The following GSK3B variants were observed in gnomAD, a reference collection of about 807,000 sequenced individuals.
GSK3B encodes glycogen synthase kinase-3 beta.
Under a neutral mutation model 56.4 loss-of-function variants are expected in GSK3B, and 15 were observed. The ratio of observed to expected loss-of-function variants is 0.27; its 90% CI spans 0.18 to 0.41. The LOEUF (loss-of-function observed/expected upper bound fraction) is 0.41, where lower values mean the gene tolerates loss of function less well. GSK3B is among the 10% of genes least tolerant of loss of function. The probability of loss-of-function intolerance (pLI) is 1.00; values close to 1 mark genes in which losing one functional copy is unlikely to be tolerated. For synonymous variants in GSK3B, 181 were observed against 188.9 expected (o/e 0.96, Z 0.34); for missense variants, 300 against 513.4 (o/e 0.58, Z 4.02).
chr3:119,984,395 T>TC lies in GSK3B; in HGVS notation c.282+17650_282+17651insG, dbSNP rs1300640920. On this transcript the variant is annotated intron_variant, in intron 2 of 10. Transcript: ENST00000264235. ...AGGAGATAGAGACACAGAAAAACCT[T>TC]AAAAAAAAAAAAAAATCAATGAATC... Among the ~76,000 whole-genome samples, 1,006 of 142,050 alleles carry TC rather than the reference T, an allele frequency of 7.1e-3. 8 individuals carry two copies. Among genetic ancestry groups the TC allele is most frequent in the African/African-American group, 0.022 (883 of 39,728 alleles). The allele number at this position is 142,050 out of a possible 152,430, so 93.2% of individuals were successfully genotyped here.
At chr3:120,070,213 A>AAAAAC (rs1184348182) in intron 1 of GSK3B, among the ~76,000 whole-genome samples, 24 of 139,908 alleles carry the variant, frequency 1.7e-4, no homozygotes, top group African/African-American at 5.8e-4. Context: ...CTCCATCTCA[A>AAAAAC]AAAACAAAAC....
At chr3:119,933,706 G>A (rs1253894841) in intron 3 of GSK3B, among the ~76,000 whole-genome samples, 1 of 151,786 alleles carries the variant, frequency 6.6e-6, no homozygotes, top group Non-Finnish European at 1.5e-5. Flanking sequence ...GTGAAACCCC[G>A]TCTCTTGTGA....
At chr3:119,963,233 GATTAA>G (rs1334788358) in intron 2 of GSK3B, among the ~76,000 whole-genome samples, 1 of 152,126 alleles carries the variant, frequency 6.6e-6, no homozygotes, top group Non-Finnish European at 1.5e-5. Flanking sequence ...TGTGTTCATG[GATTAA>G]ATTAATATTG....
chr3:119,978,931 C>T lies in GSK3B; in HGVS notation c.282+23115G>A, dbSNP rs977171726. 3.3e-5 allele frequency among the ~76,000 whole-genome samples: 5 copies of T among 152,194 alleles called. No individual in the cohort carries two copies. In the East Asian group the frequency reaches 7.7e-4, roughly 23 times the overall value. ...GACTGTCCTCTTCAGAAAGACGATT[C>T]CGGACTTCTGTCTTTTGTCTGGGGA... On this transcript the variant is annotated intron_variant, in intron 2 of 10. Coordinates refer to ENST00000264235, the MANE Select transcript of GSK3B (RefSeq NM_001146156.2).
intron 3 of GSK3B, among the ~76,000 whole-genome samples, chr3:119,923,690 GA>G (rs778136524): frequency 3.4e-4 from 52 of 152,066 alleles, no homozygotes; most frequent in Admixed American, 6.5e-4. Context: ...ATTCAATGGG[GA>G]AAAAATAGTC....
At chr3:119,893,227 G>C (rs1225590267) in intron 7 of GSK3B, among the ~76,000 whole-genome samples, 1 of 151,926 alleles carries the variant, frequency 6.6e-6, no homozygotes, top group Non-Finnish European at 1.5e-5. Context: ...TTGAGCTCCT[G>C]GCCTCAAGTG....
intron 2 of GSK3B, among the ~76,000 whole-genome samples, chr3:119,962,028 A>G (rs1334170501): frequency 1.3e-5 from 2 of 152,218 alleles, no homozygotes; most frequent in Non-Finnish European, 2.9e-5. Flanking sequence ...TTTAACTTAC[A>G]ATGAGTTTAT....
chr3:119,827,289 G>A (rs186500289), intron 10 of GSK3B, among the ~76,000 whole-genome samples: 7 of 152,290 alleles, frequency 4.6e-5, no homozygotes, highest in East Asian at 1.9e-4. Context: ...TGAAAGTAAC[G>A]TGGGTCAGTG....
intron 3 of GSK3B, among the ~76,000 whole-genome samples, chr3:119,936,159 A>C (rs2107479733): frequency 6.6e-6 from 1 of 152,010 alleles, no homozygotes; most frequent in South Asian, 2.1e-4. Context: ...TTGCCACTAA[A>C]ATCAGGAGCA....
intron 2 of GSK3B, among the ~76,000 whole-genome samples, chr3:119,989,518 G>T (rs575269270): frequency 1.3e-5 from 2 of 151,782 alleles, no homozygotes; most frequent in East Asian, 3.9e-4. Flanking sequence ...ACAGGCAGGC[G>T]CCTGTAGTCC....
chr3:120,078,487 G>A (rs1447344647), intron 1 of GSK3B, among the ~76,000 whole-genome samples: 2 of 150,962 alleles, frequency 1.3e-5, no homozygotes, highest in Non-Finnish European at 2.9e-5. Context: ...TTCTAACTAA[G>A]TTCTCCTTCT....
At chr3:119,837,213 G>T (rs1361832277) in intron 10 of GSK3B, among the ~76,000 whole-genome samples, 1 of 152,140 alleles carries the variant, frequency 6.6e-6, no homozygotes, top group Non-Finnish European at 1.5e-5. Context: ...GGAGTGCAGT[G>T]GCGTGATCTC....
chr3:119,979,144 T>C (rs2057437019), intron 2 of GSK3B, among the ~76,000 whole-genome samples: 1 of 152,194 alleles, frequency 6.6e-6, no homozygotes, highest in African/African-American at 2.4e-5. Context: ...TGGCAGCCCA[T>C]GGTCCGAAAA....
At position 119,823,875 on chromosome 3, in the gene GSK3B, G is replaced by A. The variant is rs1374880028; in HGVS notation, c.*2913C>T. On this transcript the variant is annotated 3_prime_UTR_variant, in exon 11 of 11. Transcript: ENST00000264235. Reference sequence around the variant, plus strand: ...CAAAGGGAAAGGGGGTGGACAGGGAGACATGGATAAAGGAAACCAATTAAA... The same window carrying A: ...CAAAGGGAAAGGGGGTGGACAGGGAAACATGGATAAAGGAAACCAATTAAA... The A allele has an allele frequency of 2.0e-5, 4 of 198,752 alleles. No homozygotes were observed. Among genetic ancestry groups the A allele is most frequent in the African/African-American group, 9.3e-5 (4 of 43,152 alleles). 12.3% of individuals were successfully genotyped at this position (198,752 alleles called of 1,614,324 possible). A position where few individuals can be genotyped will look rare whatever the true frequency, so the allele number is the denominator to read the frequency against.
chr3:119,995,790 T>A (rs1197745757), intron 2 of GSK3B, among the ~76,000 whole-genome samples: 1 of 147,322 alleles, frequency 6.8e-6, no homozygotes, highest in Non-Finnish European at 1.5e-5. Flanking sequence ...CAGGCTAGAG[T>A]GCAGTGGCGC....
chr3:120,008,135 T>C (rs940886950), intron 1 of GSK3B, among the ~76,000 whole-genome samples: 3 of 152,164 alleles, frequency 2.0e-5, no homozygotes, highest in African/African-American at 7.2e-5. Flanking sequence ...TCACAATGGC[T>C]ACTAAGAGAA....
At chr3:119,891,112 A>G (rs2056496743) in intron 7 of GSK3B, among the ~76,000 whole-genome samples, 2 of 152,058 alleles carry the variant, frequency 1.3e-5, no homozygotes, top group South Asian at 4.1e-4. Context: ...AAAGTGCTAC[A>G]CTGCACTGGA....
chr3:120,042,062 C>A (rs1418439866), intron 1 of GSK3B, among the ~76,000 whole-genome samples: 4 of 152,186 alleles, frequency 2.6e-5, no homozygotes, highest in African/African-American at 9.7e-5. Flanking sequence ...CACCCGAGCA[C>A]TGAATAACCT....
intron 10 of GSK3B, among the ~76,000 whole-genome samples, chr3:119,833,690 G>T (rs77971555): frequency 0.027 from 2,017 of 75,824 alleles, 133 homozygotes; most frequent in African/African-American, 0.093. Flanking sequence ...ACATTAGGTT[G>T]TTTTTTTTTT....
Sources: allele counts gnomAD v4.1 joint callset (sites outside exome capture counted in the v4.1 genomes callset), GRCh38; gene constraint gnomAD v4.1.1; transcripts MANE v1.5; gene names NCBI Gene and HGNC (gene_info 2026-07-23, HGNC 2026-07-21).